SLC10A7: variants seen among roughly 807,000 people sequenced by gnomAD.
The protein encoded by SLC10A7 is sodium/bile acid cotransporter 7.
SLC10A7 carries 29 observed loss-of-function variants against 43.2 expected under a neutral mutation model. The ratio of observed to expected loss-of-function variants is 0.67; its 90% confidence interval spans 0.50 to 0.92. The LOEUF (loss-of-function observed/expected upper bound fraction) is 0.92. Among genes scored for constraint, SLC10A7 ranks in the 40% least tolerant of loss-of-function variants. The probability of loss-of-function intolerance (pLI) is 0.00; values close to 1 mark genes in which losing one functional copy is unlikely to be tolerated. For missense variants in SLC10A7, 295 were observed against 403.2 expected (o/e 0.73, Z 2.30); for synonymous variants, 152 against 144.8 (o/e 1.05, Z -0.35).
intron 5 of SLC10A7, among the ~76,000 whole-genome samples, chr4:146,364,167 C>T (rs985596272): frequency 1.3e-5 from 2 of 151,790 alleles, no homozygotes; most frequent in African/African-American, 4.8e-5. Context: ...TACATTACCA[C>T]TGAAATCACA....
chr4:146,513,061 G>T (rs942409893), intron 2 of SLC10A7, among the ~76,000 whole-genome samples: 2 of 151,948 alleles, frequency 1.3e-5, no homozygotes, highest in Non-Finnish European at 2.9e-5. Flanking sequence ...TGTTTCACAT[G>T]GAATATCTCT....
At chr4:146,472,756 A>G (rs1165919566) in intron 4 of SLC10A7, among the ~76,000 whole-genome samples, 1 of 152,214 alleles carries the variant, frequency 6.6e-6, no homozygotes, top group Non-Finnish European at 1.5e-5. Flanking sequence ...ACTACAAAAG[A>G]CAGAAATCCA....
chr4:146,420,304 C>T (rs149256326), intron 5 of SLC10A7, among the ~76,000 whole-genome samples: 36 of 152,278 alleles, frequency 2.4e-4, no homozygotes, highest in African/African-American at 8.4e-4. Context: ...CATGATGCTT[C>T]GCAACAATTA....
At chr4:146,517,584 G>GGAGTTAGGT (rs1470734839) in intron 1 of SLC10A7, among the ~76,000 whole-genome samples, 6 of 152,156 alleles carry the variant, frequency 3.9e-5, no homozygotes, top group African/African-American at 7.2e-5. Flanking sequence ...GCATTTGTGT[G>GGAGTTAGGT]ATGCAGCCTA....
Position 146,404,855 on chromosome 4 carries a change from CTT to C in SLC10A7, c.435+37926_435+37927del, listed in dbSNP as rs1454382230. ...TGTAAAAATAAACTAAAGATGAAGT[CTT>C]TACTGATATACATTGCAGTGGTTTT... On this transcript the variant is annotated intron_variant, in intron 5 of 11. Coordinates refer to ENST00000335472, the MANE Select transcript of SLC10A7 (RefSeq NM_001029998.6). Among the ~76,000 whole-genome samples, 3 of 152,224 alleles carry C rather than the reference CTT, an allele frequency of 2.0e-5. No homozygotes were observed. In the East Asian group the frequency reaches 5.8e-4, roughly 29 times the overall value.
chr4:146,353,990 C>G (rs1343584992), intron 5 of SLC10A7, among the ~76,000 whole-genome samples: 1 of 147,436 alleles, frequency 6.8e-6, no homozygotes, highest in African/African-American at 2.5e-5. Context: ...GACAGGGATG[C>G]CCTCTTTCAC....
intron 5 of SLC10A7, among the ~76,000 whole-genome samples, chr4:146,423,954 A>G (rs1291061116): frequency 1.3e-5 from 2 of 152,254 alleles, no homozygotes; most frequent in Non-Finnish European, 2.9e-5. Context: ...ACCATGTAAG[A>G]AAGACCTATC....
At chr4:146,515,005 A>T (rs1390789923) in intron 2 of SLC10A7, 3 of 622,270 alleles carry the variant, frequency 4.8e-6, no homozygotes, top group Non-Finnish European at 8.7e-6. Context: ...ATTAGATCCA[A>T]ATTAGCTGGA....
chr4:146,292,165 GA>G (rs1439936226), intron 9 of SLC10A7, among the ~76,000 whole-genome samples: 1 of 152,166 alleles, frequency 6.6e-6, no homozygotes, highest in Non-Finnish European at 1.5e-5. Context: ...AAATAGACTA[GA>G]GTACCTTGTC....
At chr4:146,454,737 T>C (rs1731906417) in intron 4 of SLC10A7, among the ~76,000 whole-genome samples, 1 of 151,832 alleles carries the variant, frequency 6.6e-6, no homozygotes, top group South Asian at 2.1e-4. Context: ...ATTGAATGAA[T>C]TGAAGATAAT....
At chr4:146,286,379 G>A (rs910235387) in intron 9 of SLC10A7, among the ~76,000 whole-genome samples, 8 of 148,866 alleles carry the variant, frequency 5.4e-5, no homozygotes, top group Non-Finnish European at 7.5e-5. Context: ...AGTTTGGAGT[G>A]GTGAGAAGGA....
chr4:146,258,668 A>G (rs762629181), intron 11 of SLC10A7, 24 bp downstream of exon 11: 1 of 1,568,832 alleles, frequency 6.4e-7, no homozygotes, highest in African/African-American at 1.4e-5. Context: ...CTTGGATCCA[A>G]ATAAGATCTT....
intron 5 of SLC10A7, among the ~76,000 whole-genome samples, chr4:146,414,894 A>G (rs1036486850): frequency 2.6e-5 from 4 of 152,198 alleles, no homozygotes; most frequent in African/African-American, 9.6e-5. Context: ...AAATCTTAAT[A>G]GTCCCAGAAT....
At chr4:146,309,387 TC>T (rs1560785535) in intron 6 of SLC10A7, among the ~76,000 whole-genome samples, 3 of 152,090 alleles carry the variant, frequency 2.0e-5, no homozygotes. Context: ...TGTTAGCACA[TC>T]AGAAACATCG....
intron 5 of SLC10A7, among the ~76,000 whole-genome samples, chr4:146,331,559 C>T (rs1560805757): frequency 6.6e-6 from 1 of 152,168 alleles, no homozygotes; most frequent in Non-Finnish European, 1.5e-5. Flanking sequence ...CTCCCCAGAA[C>T]TAGCTTTACC....
At chr4:146,313,450 G>A (rs981241831) in intron 6 of SLC10A7, among the ~76,000 whole-genome samples, 7 of 152,204 alleles carry the variant, frequency 4.6e-5, no homozygotes, top group South Asian at 2.1e-4. Flanking sequence ...TTCAAGGGGA[G>A]ATTTGTCTTC....
chr4:146,356,051 A>AAATATAT (rs1553961389), intron 5 of SLC10A7, among the ~76,000 whole-genome samples: 1 of 140,150 alleles, frequency 7.1e-6, no homozygotes, highest in African/African-American at 2.6e-5. Flanking sequence ...AAAAAAAAAA[A>AAATATAT]ATATATATAT....
At chr4:146,519,226 A>C (rs1240166557) in intron 1 of SLC10A7, among the ~76,000 whole-genome samples, 1 of 140,526 alleles carries the variant, frequency 7.1e-6, no homozygotes, top group African/African-American at 2.6e-5. Context: ...CTGAGAGAGA[A>C]TATATATTAT....
intron 5 of SLC10A7, among the ~76,000 whole-genome samples, chr4:146,417,204 A>T (rs1267062490): frequency 1.3e-5 from 2 of 152,180 alleles, no homozygotes; most frequent in Non-Finnish European, 2.9e-5. Context: ...AACTGGAGAG[A>T]CTATAAGCAT....
Sources: gnomAD v4.1 joint callset for allele counts (sites outside exome capture counted in the v4.1 genomes callset) on GRCh38, gnomAD v4.1.1 for gene constraint, MANE v1.5 for transcripts, NCBI Gene and HGNC (gene_info 2026-07-23, HGNC 2026-07-21) for gene names.